The following UXS1 variants were observed in gnomAD, a reference collection of about 807,000 sequenced individuals.
UXS1 encodes UDP-glucuronic acid decarboxylase 1.
UXS1 carries 33 observed loss-of-function variants against 62.6 expected under a neutral mutation model. The observed-to-expected ratio is 0.53, with a 90% CI of 0.40 to 0.70. UXS1 has a LOEUF of 0.70. Ranked by LOEUF, UXS1 falls within the 30% of genes least tolerant of loss-of-function variation. The pLI is 0.00. For synonymous variants in UXS1, 213 were observed against 206.8 expected (o/e 1.03, Z -0.26); for missense variants, 434 against 556.3 (o/e 0.78, Z 2.21).
chr2:106,114,610 T>C (rs185651215), intron 9 of UXS1, among the ~76,000 whole-genome samples: 1 of 152,344 alleles, frequency 6.6e-6, no homozygotes, highest in East Asian at 1.9e-4. Flanking sequence ...GCAAATCAAA[T>C]GCTTTTATCT....
chr2:106,138,075 G>A (rs1335467482), intron 6 of UXS1: 8 of 653,174 alleles, frequency 1.2e-5, no homozygotes, highest in Non-Finnish European at 1.5e-5. Flanking sequence ...TGCAGGGAAA[G>A]ACAGGAAACT....
At chr2:106,144,969 AG>A (rs1219561850) in intron 6 of UXS1, among the ~76,000 whole-genome samples, 2 of 152,174 alleles carry the variant, frequency 1.3e-5, no homozygotes, top group African/African-American at 4.8e-5. Flanking sequence ...GTTCAGGACC[AG>A]GGGTGCCACG....
intron 7 of UXS1, among the ~76,000 whole-genome samples, chr2:106,126,991 T>C (rs57094713): frequency 1.2e-3 from 184 of 152,314 alleles, no homozygotes; most frequent in African/African-American, 4.4e-3. Context: ...GATACACAAA[T>C]GGAACACGGC....
At chr2:106,169,371 T>C (rs1222521255) in intron 1 of UXS1, among the ~76,000 whole-genome samples, 1 of 152,238 alleles carries the variant, frequency 6.6e-6, no homozygotes. Context: ...TTTTCAGTTT[T>C]TTCTTTCAAA....
At chr2:106,114,502 T>C (rs1678904758) in intron 9 of UXS1, among the ~76,000 whole-genome samples, 1 of 152,214 alleles carries the variant, frequency 6.6e-6, no homozygotes, top group Non-Finnish European at 1.5e-5. Context: ...GATGTGGCTT[T>C]ATTCTAGGAA....
At chr2:106,126,782 C>T (rs1291151445) in intron 7 of UXS1, among the ~76,000 whole-genome samples, 2 of 152,174 alleles carry the variant, frequency 1.3e-5, no homozygotes, top group South Asian at 2.1e-4. Flanking sequence ...GTGCCACAAT[C>T]AGGACATTGA....
At chr2:106,124,991 G>T (rs1396153419) in intron 8 of UXS1, among the ~76,000 whole-genome samples, 1 of 152,166 alleles carries the variant, frequency 6.6e-6, no homozygotes, top group African/African-American at 2.4e-5. Flanking sequence ...CAGTTCTCCT[G>T]AACCTTGCAC....
At chr2:106,180,376 G>A (rs11124088) in intron 1 of UXS1, among the ~76,000 whole-genome samples, 15,544 of 152,176 alleles carry the variant, frequency 0.1, 1,204 homozygotes, top group East Asian at 0.32. Context: ...ACCCTTGCAT[G>A]TCACTATCCA....
At chr2:106,148,566 C>T (rs1228774017) in intron 5 of UXS1, among the ~76,000 whole-genome samples, 5 of 152,258 alleles carry the variant, frequency 3.3e-5, no homozygotes, top group South Asian at 2.1e-4. Flanking sequence ...TTAGTACTGA[C>T]GTAAAATTGT....
chr2:106,161,659 C>T (rs1156802928), intron 4 of UXS1, among the ~76,000 whole-genome samples: 1 of 152,174 alleles, frequency 6.6e-6, no homozygotes, highest in Non-Finnish European at 1.5e-5. Context: ...CCAGATTAAA[C>T]TTACTGTTTA....
At chr2:106,154,572 G>A (rs1052232821) in intron 5 of UXS1, among the ~76,000 whole-genome samples, 1 of 152,132 alleles carries the variant, frequency 6.6e-6, no homozygotes, top group Admixed American at 6.5e-5. Context: ...AGAAAAGCAT[G>A]GAAAAAACTC....
At chr2:106,184,524 A>T (rs1164012146) in intron 1 of UXS1, among the ~76,000 whole-genome samples, 1 of 152,212 alleles carries the variant, frequency 6.6e-6, no homozygotes, top group African/African-American at 2.4e-5. Context: ...TCTCACAGTT[A>T]TGAAGGTTGG....
intron 10 of UXS1, among the ~76,000 whole-genome samples, chr2:106,106,625 G>C (rs1358894216): frequency 1.3e-5 from 2 of 152,156 alleles, no homozygotes; most frequent in Non-Finnish European, 2.9e-5. Context: ...GAACATTGAG[G>C]AAGGATGGGC....
chr2:106,125,690 C>T lies in UXS1; in HGVS notation c.578-11G>A. 1 of 1,563,190 alleles carries T rather than the reference C, an allele frequency of 6.4e-7. No individual in the cohort carries two copies. The highest frequency in any genetic ancestry group is 8.7e-7 in the Non-Finnish European group (1 of 1,154,168). Reference sequence around the variant, plus strand: ...CTCGTTTTGCCAGCCCTACAGAAAGCAATGACATGATAAAAGAGACTGAAT... The same window carrying T: ...CTCGTTTTGCCAGCCCTACAGAAAGTAATGACATGATAAAAGAGACTGAAT... On this transcript the variant is annotated splice_polypyrimidine_tract_variant and intron_variant, in intron 7 of 14. Coordinates refer to ENST00000283148, the MANE Select transcript of UXS1 (RefSeq NM_001253875.2).
intron 10 of UXS1, among the ~76,000 whole-genome samples, chr2:106,109,788 G>C (rs1208928265): frequency 1.3e-5 from 2 of 152,202 alleles, no homozygotes; most frequent in Non-Finnish European, 2.9e-5. Context: ...CAGGCATGAG[G>C]AATCTGCTCA....
At chr2:106,126,120 TG>T (rs1679924537) in intron 7 of UXS1, among the ~76,000 whole-genome samples, 1 of 152,198 alleles carries the variant, frequency 6.6e-6, no homozygotes, top group Non-Finnish European at 1.5e-5. Context: ...CCACCCTGTC[TG>T]GGTAACTCTC....
At chr2:106,174,428 G>A (rs1312013452) in intron 1 of UXS1, among the ~76,000 whole-genome samples, 2 of 152,228 alleles carry the variant, frequency 1.3e-5, no homozygotes, top group African/African-American at 2.4e-5. Flanking sequence ...GGTCCTGAGG[G>A]TGAGGACAGT....
chr2:106,138,036 A>G (rs1680805528), intron 6 of UXS1: 3 of 328,414 alleles, frequency 9.1e-6, no homozygotes, highest in African/African-American at 2.2e-5. Context: ...ATTATTCATC[A>G]TTATCTTTAC....
intron 5 of UXS1, among the ~76,000 whole-genome samples, chr2:106,147,528 A>G (rs1207215023): frequency 6.6e-6 from 1 of 152,108 alleles, no homozygotes; most frequent in African/African-American, 2.4e-5. Flanking sequence ...GGCTGCAGTG[A>G]GTGGCAATTG....
Sources: gnomAD v4.1 joint callset for allele counts (sites outside exome capture counted in the v4.1 genomes callset) on GRCh38, gnomAD v4.1.1 for gene constraint, MANE v1.5 for transcripts, NCBI Gene and HGNC (gene_info 2026-07-23, HGNC 2026-07-21) for gene names.